Variants in FLRT1 observed in about 807,000 individuals in gnomAD.
The protein encoded by FLRT1 is leucine-rich repeat transmembrane protein FLRT1.
A neutral mutation model predicts 30.9 loss-of-function variants in FLRT1; 14 were observed. The ratio of observed to expected loss-of-function variants is 0.45; its 90% CI spans 0.30 to 0.71. The LOEUF is 0.71. FLRT1 is among the 30% of genes least tolerant of loss of function. The probability of loss-of-function intolerance (pLI) is 0.08; values close to 1 mark genes in which losing one functional copy is unlikely to be tolerated. For synonymous variants in FLRT1, 368 were observed against 430.4 expected (o/e 0.85, Z 1.80); for missense variants, 737 against 949.2 (o/e 0.78, Z 2.94).
At chr11:64,084,172 C>T (rs1944353303) in intron 1 of FLRT1, among the ~76,000 whole-genome samples, 1 of 152,146 alleles carries the variant, frequency 6.6e-6, no homozygotes, top group African/African-American at 2.4e-5. Context: ...CTTCTGCAGT[C>T]CTGGAGGATG....
At chr11:64,070,517 GA>G (rs1944087455) in intron 1 of FLRT1, among the ~76,000 whole-genome samples, 1 of 152,196 alleles carries the variant, frequency 6.6e-6, no homozygotes, top group Non-Finnish European at 1.5e-5. Context: ...CAGGCCATGG[GA>G]AGGCTGCCCG....
Position 64,116,762 on chromosome 11 carries a change from C to T in FLRT1, c.495C>T (p.Thr165=), listed in dbSNP as rs767596236. Residue 165 remains threonine (T), a synonymous_variant, in exon 3 of 3, where the codon ACC becomes ACT. Coordinates refer to ENST00000682287, the MANE Select transcript of FLRT1 (RefSeq NM_013280.5). ...KLHLDDNSVS[T]VSIEEDAFAD... The stretch of plus-strand genomic sequence containing the variant: ...ACCTGGATGACAACTCCGTGTCCAC[C>T]GTCAGCATTGAGGAGGACGCCTTCG... 40 of 1,613,552 alleles carry T rather than the reference C, an allele frequency of 2.5e-5. No individual in the cohort carries two copies. The highest frequency in any genetic ancestry group is 4.0e-5 in the African/African-American group (3 of 74,930).
At chr11:64,074,388 C>T (rs1283637058) in intron 1 of FLRT1, among the ~76,000 whole-genome samples, 1 of 152,200 alleles carries the variant, frequency 6.6e-6, no homozygotes, top group East Asian at 1.9e-4. Context: ...TTTCTAATAG[C>T]AGCTTCCTGT....
Position 64,103,830 on chromosome 11 carries a change from C to T in FLRT1, c.-401C>T, listed in dbSNP as rs1944712545. 2 of 152,232 alleles carry T rather than the reference C, an allele frequency of 1.3e-5. No individual in the cohort carries two copies. Among genetic ancestry groups the T allele is most frequent in the South Asian group, 4.2e-4 (2 of 4,818 alleles). The allele number at this position is 152,232 out of a possible 1,614,324, so 9.4% of individuals were successfully genotyped here. A position where few individuals can be genotyped will look rare whatever the true frequency, so the allele number is the denominator to read the frequency against. ...GGTCCAGAGGGGTGTCCCTGTACCC[C>T]TTGCACACAGGACCCTCACTCTGCA... On this transcript the variant is annotated 5_prime_UTR_variant, in exon 2 of 3. Coordinates refer to ENST00000682287, the MANE Select transcript of FLRT1 (RefSeq NM_013280.5).
rs2134454113 is a variant in FLRT1, at chr11:64,067,817, A to C, written c.-1038+31658A>C. On this transcript the variant is annotated intron_variant, in intron 1 of 2. Coordinates refer to ENST00000682287, the MANE Select transcript of FLRT1 (RefSeq NM_013280.5). This position sits in a 1 kb window ranked among gnomAD's most constrained non-coding sequence, Gnocchi z 4.6. ...TGAGGGGCGGCTGTGCCACCCCCAC[A>C]CTCCTGAAATGGGTGATGAGGGGGT... Among the ~76,000 whole-genome samples, 1 of 151,488 alleles carries C rather than the reference A, an allele frequency of 6.6e-6. No homozygotes were observed. The highest frequency in any genetic ancestry group is 2.0e-4 in the East Asian group (1 of 5,108).
chr11:64,116,733 C>G lies in FLRT1; in HGVS notation c.466C>G (p.Leu156Val). 6.2e-7 allele frequency: 1 copy of G among 1,613,736 alleles called. No individual in the cohort carries two copies. The highest frequency in any genetic ancestry group is 8.5e-7 in the Non-Finnish European group (1 of 1,180,028). ...GGCCCGCATCCCGCTGCTGGAGAAGCTGCACCTGGATGACAACTCCGTGTC... is the reference window on the plus strand; with the variant it reads ...GGCCCGCATCCCGCTGCTGGAGAAGGTGCACCTGGATGACAACTCCGTGTC... ...SLARIPLLEK[L>V]HLDDNSVSTV... Residue 156 changes from leucine to valine, a missense_variant, in exon 3 of 3, where the codon CTG becomes GTG. Physicochemically the swap from Leu to Val is conservative, Grantham distance 32. Coordinates refer to ENST00000682287, the MANE Select transcript of FLRT1 (RefSeq NM_013280.5).
At chr11:64,060,898 G>A (rs1289148243) in intron 1 of FLRT1, among the ~76,000 whole-genome samples, 1 of 152,026 alleles carries the variant, frequency 6.6e-6, no homozygotes, top group Non-Finnish European at 1.5e-5. Context: ...CCGCCCCCGA[G>A]GCTCTTTGCA....
chr11:64,100,779 C>T (rs1199116165), intron 1 of FLRT1, among the ~76,000 whole-genome samples: 1 of 152,176 alleles, frequency 6.6e-6, no homozygotes, highest in Non-Finnish European at 1.5e-5. Flanking sequence ...AGAGGCCCCA[C>T]TTATCCAGGG....
chr11:64,079,187 G>A (rs943249508), intron 1 of FLRT1, among the ~76,000 whole-genome samples: 2 of 152,148 alleles, frequency 1.3e-5, no homozygotes, highest in Non-Finnish European at 2.9e-5. Context: ...GACTGTGTGT[G>A]GGATGAGGGA....
intron 1 of FLRT1, among the ~76,000 whole-genome samples, chr11:64,061,998 TGTTA>T (rs1368261150): frequency 2.3e-5 from 3 of 131,998 alleles, no homozygotes; most frequent in African/African-American, 5.6e-5. Context: ...TACTTGCTTC[TGTTA>T]GTTACTTTCC....
At chr11:64,058,117 C>T (rs1344773446) in intron 1 of FLRT1, among the ~76,000 whole-genome samples, 2 of 152,280 alleles carry the variant, frequency 1.3e-5, no homozygotes, top group African/African-American at 4.8e-5. Flanking sequence ...TAATCCATGA[C>T]ACCTTACTGC....
At position 64,116,237 on chromosome 11, in the gene FLRT1, A is replaced by G. The variant is rs1944976873; in HGVS notation, c.-31A>G. 6.3e-6 allele frequency: 10 copies of G among 1,576,680 alleles called. No homozygotes were observed. Among genetic ancestry groups the G allele is most frequent in the Non-Finnish European group, 8.6e-6 (10 of 1,166,428 alleles). On this transcript the variant is annotated 5_prime_UTR_variant, in exon 3 of 3. Coordinates refer to ENST00000682287, the MANE Select transcript of FLRT1 (RefSeq NM_013280.5). ...CTTGCAGGTATTCAGGCTCCAGGCC[A>G]GGTGGGGCCGGACGCCCCCAGCCAT...
chr11:64,080,457 A>G (rs1236406230), intron 1 of FLRT1, among the ~76,000 whole-genome samples: 1 of 152,158 alleles, frequency 6.6e-6, no homozygotes, highest in Admixed American at 6.5e-5. Context: ...CATGATTCCT[A>G]TGTAATTCCA....
intron 1 of FLRT1, among the ~76,000 whole-genome samples, chr11:64,092,634 G>A (rs918135160): frequency 4.6e-5 from 7 of 152,186 alleles, no homozygotes; most frequent in African/African-American, 1.4e-4. Flanking sequence ...CTGCAGGCAC[G>A]TGTGCCACTG....
At chr11:64,084,504 C>T (rs1281925707) in intron 1 of FLRT1, among the ~76,000 whole-genome samples, 4 of 152,218 alleles carry the variant, frequency 2.6e-5, no homozygotes, top group Admixed American at 6.5e-5. Flanking sequence ...GCCTTGGGGT[C>T]ACGGGGCCTG....
At position 64,117,358 on chromosome 11, in the gene FLRT1, G is replaced by A. The variant is rs767022154; in HGVS notation, c.1091G>A (p.Arg364Gln). The change falls in exon 3 of 3, where the codon CGG becomes CAG. Residue 364 changes from arginine to glutamine, a missense_variant. Arg to Gln is a conservative substitution (Grantham distance 43, BLOSUM62 1). Coordinates refer to ENST00000682287, the MANE Select transcript of FLRT1 (RefSeq NM_013280.5). ...ATGTGCCAGGGCCCTGAGAAGGTCC[G>A]GGGCATGGCCATCAAGGACATTACC... ...GLMCQGPEKV[R>Q]GMAIKDITSE... is the part of the protein sequence containing the mutation. 67 of 1,613,430 alleles carry A rather than the reference G, an allele frequency of 4.2e-5. No homozygotes were observed. Among genetic ancestry groups the A allele is most frequent in the Non-Finnish European group, 5.2e-5 (61 of 1,179,624 alleles).
chr11:64,063,979 G>A (rs1456013140), intron 1 of FLRT1, among the ~76,000 whole-genome samples: 2 of 152,178 alleles, frequency 1.3e-5, no homozygotes, highest in East Asian at 1.9e-4. Context: ...AATCGCATCC[G>A]AGTGACGGCT....
At chr11:64,092,584 T>C (rs1336724360) in intron 1 of FLRT1, among the ~76,000 whole-genome samples, 1 of 152,222 alleles carries the variant, frequency 6.6e-6, no homozygotes, top group Non-Finnish European at 1.5e-5. Context: ...GCCCGGCTCC[T>C]CTGCCCCGTC....
intron 1 of FLRT1, among the ~76,000 whole-genome samples, chr11:64,101,248 G>A (rs777091399): frequency 1.3e-5 from 2 of 152,120 alleles, no homozygotes; most frequent in African/African-American, 2.4e-5. Context: ...TGGGAGACAC[G>A]GCTGGTGGGC....
Sources: gnomAD v4.1 joint callset for allele counts (sites outside exome capture counted in the v4.1 genomes callset) on GRCh38, gnomAD v4.1.1 for gene constraint, Gnocchi (gnomAD v3.1) non-coding constraint, MANE v1.5 for transcripts, NCBI Gene and HGNC (gene_info 2026-07-23, HGNC 2026-07-21) for gene names.